PRKN: variants seen among roughly 807,000 people sequenced by gnomAD.
PRKN encodes the protein E3 ubiquitin-protein ligase parkin.
A neutral mutation model predicts 59.5 loss-of-function variants in PRKN; 56 were observed. That is an observed-to-expected ratio of 0.94 (90% CI 0.76 to 1.18). PRKN has a LOEUF of 1.18. Ranked by LOEUF, PRKN falls within the 50% of genes most tolerant of loss-of-function variation. The probability of loss-of-function intolerance (pLI) is 0.00; values close to 1 mark genes in which losing one functional copy is unlikely to be tolerated. For synonymous variants in PRKN, 250 were observed against 222.1 expected (o/e 1.13, Z -1.12); for missense variants, 657 against 596.4 (o/e 1.10, Z -1.06).
intron 7 of PRKN, among the ~76,000 whole-genome samples, chr6:161,647,791 G>A (rs1239482067): frequency 6.6e-6 from 1 of 152,150 alleles, no homozygotes; most frequent in African/African-American, 2.4e-5. Context: ...TGTCACAGAA[G>A]TGCTTTTAGC....
intron 4 of PRKN, among the ~76,000 whole-genome samples, chr6:162,105,788 T>C (rs561324173): frequency 6.6e-6 from 1 of 152,316 alleles, no homozygotes; most frequent in African/African-American, 2.4e-5. Flanking sequence ...AATAGAGCAG[T>C]AAAAGAAAGG....
In PRKN at chr6:161,484,367, C is replaced by T. The variant is rs1332961382; in HGVS notation, c.1083+64487G>A. On this transcript the variant is annotated intron_variant, in intron 9 of 11. Coordinates refer to ENST00000366898, the MANE Select transcript of PRKN (RefSeq NM_004562.3). This position sits in a 1 kb window ranked among gnomAD's most constrained non-coding sequence, Gnocchi z 4.9. ...GCCATCCAGCCTGAAGAAAGCCTTT[C>T]TTGTTGCTGCTATTTGTATCATTAT... 6.6e-6 allele frequency among the ~76,000 whole-genome samples: 1 copy of T among 152,090 alleles called. No individual in the cohort carries two copies. The highest frequency in any genetic ancestry group is 1.9e-4 in the East Asian group (1 of 5,178).
chr6:161,883,628 G>T (rs1009787378), intron 6 of PRKN, among the ~76,000 whole-genome samples: 1 of 151,954 alleles, frequency 6.6e-6, no homozygotes, highest in Non-Finnish European at 1.5e-5. Context: ...ATCATAAAAT[G>T]ATTTTTTATT....
intron 3 of PRKN, among the ~76,000 whole-genome samples, chr6:162,207,265 G>A (rs370252552): frequency 1.5e-4 from 23 of 152,184 alleles, no homozygotes; most frequent in African/African-American, 5.5e-4. Context: ...CCAGCTGCTC[G>A]GGAGGCTGAG....
chr6:162,584,144 C>T (rs1257864911), intron 1 of PRKN, among the ~76,000 whole-genome samples: 1 of 149,052 alleles, frequency 6.7e-6, no homozygotes, highest in African/African-American at 2.5e-5. Context: ...ACCCAGGAGG[C>T]GGAGCTTGCA....
chr6:161,550,567 T>C lies in PRKN; in HGVS notation c.934-1564A>G, dbSNP rs940034039. Among the ~76,000 whole-genome samples, 1 of 152,044 alleles carries C rather than the reference T, an allele frequency of 6.6e-6. No homozygotes were observed. The highest frequency in any genetic ancestry group is 1.5e-5 in the Non-Finnish European group (1 of 67,990). On this transcript the variant is annotated intron_variant, in intron 8 of 11. Transcript: ENST00000366898. The surrounding 1 kb of genome is among the most constrained non-coding windows in gnomAD (Gnocchi z 4.0). Reference sequence around the variant, plus strand: ...GTAGGATGAGTGTTTGAATTCTGGGTATAAATTAAAGGGAGAAGTTGCAGA... The same window carrying C: ...GTAGGATGAGTGTTTGAATTCTGGGCATAAATTAAAGGGAGAAGTTGCAGA...
At chr6:162,594,428 T>C (rs1365102658) in intron 1 of PRKN, among the ~76,000 whole-genome samples, 3 of 152,180 alleles carry the variant, frequency 2.0e-5, no homozygotes, top group Non-Finnish European at 4.4e-5. Flanking sequence ...CATGAACAAG[T>C]TCCTTTTAAA....
intron 1 of PRKN, among the ~76,000 whole-genome samples, chr6:162,445,933 GCAC>G (rs1790297618): frequency 1.3e-5 from 2 of 151,946 alleles, no homozygotes; most frequent in South Asian, 2.1e-4. Flanking sequence ...GGTCCAGATG[GCAC>G]CACAAGAACA....
intron 3 of PRKN, among the ~76,000 whole-genome samples, chr6:162,202,986 G>T (rs1784793236): frequency 6.6e-6 from 1 of 152,050 alleles, no homozygotes; most frequent in African/African-American, 2.4e-5. Context: ...GAAAAAAGGA[G>T]GAAGAAAAGG....
chr6:161,836,697 G>C (rs947220812), intron 6 of PRKN, among the ~76,000 whole-genome samples: 2 of 152,164 alleles, frequency 1.3e-5, no homozygotes, highest in Non-Finnish European at 2.9e-5. Flanking sequence ...AAAACAGGAA[G>C]AAGCTAAAAT....
Position 161,395,973 on chromosome 6 carries a change from G to A in PRKN, c.1084-9096C>T, listed in dbSNP as rs1425820684. Reference sequence around the variant, plus strand: ...GGTTAGAGAGAAAGAAACAGTGAATGGGGGAACGGCAGCTTCCCTCACTTG... The same window carrying A: ...GGTTAGAGAGAAAGAAACAGTGAATAGGGGAACGGCAGCTTCCCTCACTTG... On this transcript the variant is annotated intron_variant, in intron 9 of 11. Coordinates refer to ENST00000366898, the MANE Select transcript of PRKN (RefSeq NM_004562.3). The surrounding 1 kb of genome is among the most constrained non-coding windows in gnomAD (Gnocchi z 5.0). Among the ~76,000 whole-genome samples, 2 of 152,120 alleles carry A rather than the reference G, an allele frequency of 1.3e-5. No homozygotes were observed. The highest frequency in any genetic ancestry group is 2.9e-5 in the Non-Finnish European group (2 of 67,968).
chr6:161,734,157 T>C (rs1787870059), intron 7 of PRKN, among the ~76,000 whole-genome samples: 1 of 152,110 alleles, frequency 6.6e-6, no homozygotes, highest in Admixed American at 6.6e-5. Flanking sequence ...TTTGTTAATT[T>C]ATAAAGTACT....
At position 161,467,384 on chromosome 6, in the gene PRKN, T is replaced by C. The variant is rs1349835511; in HGVS notation, c.1084-80507A>G. 2.0e-5 allele frequency among the ~76,000 whole-genome samples: 3 copies of C among 152,340 alleles called. No individual in the cohort carries two copies. The highest frequency in any genetic ancestry group is 4.1e-4 in the South Asian group (2 of 4,830). ...TAGCCCTATGGAGTATATACGTTAT[T>C]AACTGATAAGTTCAGTCCAGCACAC... is the stretch of plus-strand genomic sequence containing the variant. On this transcript the variant is annotated intron_variant, in intron 9 of 11. Coordinates refer to ENST00000366898, the MANE Select transcript of PRKN (RefSeq NM_004562.3). The surrounding 1 kb of genome is among the most constrained non-coding windows in gnomAD (Gnocchi z 4.3).
At position 161,350,075 on chromosome 6, in the gene PRKN, C is replaced by T. The variant is rs772078706; in HGVS notation, c.*24G>A. 6 of 1,480,944 alleles carry T rather than the reference C, an allele frequency of 4.1e-6. No individual in the cohort carries two copies. Among genetic ancestry groups the T allele is most frequent in the Non-Finnish European group, 5.7e-6 (6 of 1,060,572 alleles). The allele number at this position is 1,480,944 out of a possible 1,614,324, so 91.7% of individuals were successfully genotyped here. On this transcript the variant is annotated 3_prime_UTR_variant, in exon 12 of 12. Transcript: ENST00000366898. ...CTGGGTATGCTCCCCCAGGATGTGG[C>T]GATGGGGCGCCCGGCCGCCCTGGCT...
chr6:162,282,532 A>G, intron 2 of PRKN, among the ~76,000 whole-genome samples: 1 of 152,208 alleles, frequency 6.6e-6, no homozygotes, highest in East Asian at 1.9e-4. Context: ...AAATTCTCAC[A>G]TATGTCCTCA....
At chr6:162,150,349 T>A (rs713056) in intron 4 of PRKN, among the ~76,000 whole-genome samples, 64,191 of 152,062 alleles carry the variant, frequency 0.42, 16,321 homozygotes, top group Non-Finnish European at 0.57. Flanking sequence ...GCCTTCTCTG[T>A]TTCTGCTCCT....
intron 1 of PRKN, chr6:162,569,430 A>C (rs1325089086): frequency 2.9e-6 from 2 of 685,424 alleles, no homozygotes; most frequent in Non-Finnish European, 5.6e-6. Flanking sequence ...CTGGCCCTGG[A>C]CATCGAGATT....
In PRKN at chr6:161,762,516, G is replaced by A. The variant is rs533211111; in HGVS notation, c.871+23256C>T. Among the ~76,000 whole-genome samples the A allele has an allele frequency of 1.1e-4, 17 of 152,200 alleles. No individual in the cohort carries two copies. In the South Asian group the frequency reaches 2.3e-3, roughly 20 times the overall value. Reference sequence around the variant, plus strand: ...GCTGTGCAATGGACATTTCTATGACGGTGGAAATACTCTATGCCTGAACTA... The same window carrying A: ...GCTGTGCAATGGACATTTCTATGACAGTGGAAATACTCTATGCCTGAACTA... On this transcript the variant is annotated intron_variant, in intron 7 of 11. Coordinates refer to ENST00000366898, the MANE Select transcript of PRKN (RefSeq NM_004562.3).
intron 3 of PRKN, among the ~76,000 whole-genome samples, chr6:162,229,571 ATT>A (rs1420513125): frequency 2.6e-5 from 4 of 152,132 alleles, no homozygotes; most frequent in African/African-American, 9.7e-5. Context: ...ACCTATGCAT[ATT>A]CTTTACACAC....
Sources: allele counts gnomAD v4.1 joint callset (sites outside exome capture counted in the v4.1 genomes callset), GRCh38; gene constraint gnomAD v4.1.1; non-coding constraint Gnocchi (gnomAD v3.1); transcripts MANE v1.5; gene names NCBI Gene and HGNC (gene_info 2026-07-23, HGNC 2026-07-21).